WASHC5: variants seen among roughly 807,000 people sequenced by gnomAD.
The protein encoded by WASHC5 is WASH complex subunit 5.
WASHC5 carries 101 observed loss-of-function variants against 150.4 expected under a neutral mutation model. The ratio of observed to expected loss-of-function variants is 0.67; its 90% CI spans 0.57 to 0.79. The LOEUF is 0.79. Ranked by LOEUF, WASHC5 falls within the 30% of genes least tolerant of loss-of-function variation. WASHC5 has a pLI of 0.00. For synonymous variants in WASHC5, 467 were observed against 491.2 expected, an observed-to-expected ratio of 0.95 and a Z score of 0.65; for missense variants, 1,195 against 1,396.3, an observed-to-expected ratio of 0.86 and a Z score of 2.30.
intron 24 of WASHC5, 30 bp downstream of exon 24, chr8:125,039,765 C>T (rs768660279): frequency 1.1e-5 from 16 of 1,446,952 alleles, no homozygotes; most frequent in South Asian, 4.6e-5. Flanking sequence ...TCCAAGCCCA[C>T]GGATGGCTGT....
In WASHC5 at chr8:125,057,641, AG is replaced by A; in HGVS notation, c.1789del (p.Leu597PhefsTer27). The A allele has an allele frequency of 6.2e-7, 1 of 1,613,750 alleles. No individual in the cohort carries two copies. Among genetic ancestry groups the A allele is most frequent in the Non-Finnish European group, 8.5e-7 (1 of 1,179,696 alleles). ...LKLASALDLPLLRINQANSPD... is the reference protein window; with the variant it reads ...LKLASALDLPXLRINQANSPD... ...GCTATTTGCCTGATTAATACGAAGA[AG>A]GGGCAGATCGAGGGCAGAGGCAAGC... On this transcript the variant is annotated frameshift_variant, in exon 15 of 29. Coordinates refer to ENST00000318410, the MANE Select transcript of WASHC5 (RefSeq NM_014846.4). LOFTEE classifies it high-confidence loss of function.
chr8:125,067,712 G>A lies in WASHC5; in HGVS notation c.1158C>T (p.Asp386=), dbSNP rs747618912. 2 of 1,613,640 alleles carry A rather than the reference G, an allele frequency of 1.2e-6. No individual in the cohort carries two copies. The highest frequency in any genetic ancestry group is 1.1e-5 in the South Asian group (1 of 91,062). Residue 386 remains aspartate (D), a synonymous_variant, in exon 10 of 29, where the codon GAC becomes GAT. Coordinates refer to ENST00000318410, the MANE Select transcript of WASHC5 (RefSeq NM_014846.4). ...TTTGACGAAGGCGTTTGTTGTTTGG[G>A]TCACAGGCTAGAAACAGGAAAAGTG... ...LMLHTADSAC[D]PNNKRLRQIK...
At chr8:125,073,408 T>C (rs952705933) in intron 8 of WASHC5, 84 bp from the exon 9 acceptor site, 7 of 1,130,990 alleles carry the variant, frequency 6.2e-6, no homozygotes, top group African/African-American at 6.1e-5. Context: ...CACTGACAAA[T>C]AGTAACATTT....
Position 125,077,035 on chromosome 8 carries a change from A to T in WASHC5, c.712-535T>A, listed in dbSNP as rs1206233916. ...CTCCTTCTCTGGTTTCCTAGATACC[A>T]CTCTCTCTTCTCAATCTCCTTTGCT... On this transcript the variant is annotated intron_variant, in intron 6 of 28. Coordinates refer to ENST00000318410, the MANE Select transcript of WASHC5 (RefSeq NM_014846.4). Among the ~76,000 whole-genome samples, 4 of 152,114 alleles carry T rather than the reference A, an allele frequency of 2.6e-5. No homozygotes were observed. In the East Asian group the frequency reaches 5.8e-4, roughly 22 times the overall value.
At chr8:125,047,092 T>C in intron 20 of WASHC5, 115 bp downstream of exon 20, 1 of 1,266,172 alleles carries the variant, frequency 7.9e-7, no homozygotes, top group Non-Finnish European at 1.1e-6. Flanking sequence ...GGTCAGAATA[T>C]GAGTTGACAA....
At chr8:125,072,197 A>G (rs1302955396) in intron 9 of WASHC5, among the ~76,000 whole-genome samples, 1 of 151,938 alleles carries the variant, frequency 6.6e-6, no homozygotes, top group Non-Finnish European at 1.5e-5. Flanking sequence ...CAAAAAACTT[A>G]GCCAGGCATG....
chr8:125,044,799 G>A (rs1816010990), intron 20 of WASHC5, 101 bp from the exon 21 acceptor site: 1 of 1,164,696 alleles, frequency 8.6e-7, no homozygotes, highest in Non-Finnish European at 1.3e-6. Flanking sequence ...ATGAAGAACA[G>A]GAGTTACATG....
Position 125,057,565 on chromosome 8 carries a change from A to G in WASHC5, c.1866T>C (p.Tyr622=), listed in dbSNP as rs202216835. Residue 622 remains tyrosine (Y), a synonymous_variant, in exon 15 of 29, where the codon TAT becomes TAC. Coordinates refer to ENST00000318410, the MANE Select transcript of WASHC5 (RefSeq NM_014846.4). ...CTGATGCATTTCTTACTTTTCTCAC[A>G]TAGGATACCAACTCTCCAGAATAGT... The part of the protein sequence containing the change: ...SQYYSGELVS[Y]VRKVLQIIPE... 46 of 1,602,674 alleles carry G rather than the reference A, an allele frequency of 2.9e-5. No individual in the cohort carries two copies. Among genetic ancestry groups the G allele is most frequent in the African/African-American group, 1.3e-5 (1 of 74,678 alleles).
At chr8:125,030,625 G>A (rs1250231597) in intron 27 of WASHC5, among the ~76,000 whole-genome samples, 3 of 126,100 alleles carry the variant, frequency 2.4e-5, no homozygotes, top group Non-Finnish European at 3.1e-5. Context: ...GCGACAGAGC[G>A]ACTCTTTCTC....
At position 125,084,049 on chromosome 8, in the gene WASHC5, T is replaced by C. The variant is rs984960639; in HGVS notation, c.-124-27A>G. 8.1e-6 allele frequency: 6 copies of C among 740,550 alleles called. No individual in the cohort carries two copies. In the African/African-American group the frequency reaches 8.8e-5, roughly 11 times the overall value. 45.9% of individuals were successfully genotyped at this position (740,550 alleles called of 1,614,324 possible). ...TGTATCCCCAAAAAAAGTGTGAAAA[T>C]CTCAATTTGTTTAAGGAAGCACATG... On this transcript the variant is annotated intron_variant, in intron 1 of 28. Transcript: ENST00000318410.
At chr8:125,051,352 TCTTTTA>T (rs1816232420) in intron 17 of WASHC5, among the ~76,000 whole-genome samples, 2 of 152,356 alleles carry the variant, frequency 1.3e-5, no homozygotes, top group Admixed American at 1.3e-4. Context: ...GAGACTTGTT[TCTTTTA>T]CTTTTAATTT....
In WASHC5 at chr8:125,084,032, C is replaced by CAAAAAAAAA; in HGVS notation, c.-124-11_-124-10insTTTTTTTTT. On this transcript the variant is annotated splice_polypyrimidine_tract_variant and intron_variant, in intron 1 of 28. Coordinates refer to ENST00000318410, the MANE Select transcript of WASHC5 (RefSeq NM_014846.4). ...TCCTCCATTAAAGAACCTGTATCCC[C>CAAAAAAAAA]AAAAAAAGTGTGAAAATCTCAATTT... 2 of 805,860 alleles carry CAAAAAAAAA rather than the reference C, an allele frequency of 2.5e-6. No individual in the cohort carries two copies. The highest frequency in any genetic ancestry group is 4.1e-6 in the Non-Finnish European group (2 of 489,296). 49.9% of individuals were successfully genotyped at this position (805,860 alleles called of 1,614,324 possible). A position where few individuals can be genotyped will look rare whatever the true frequency, so the allele number is the denominator to read the frequency against.
chr8:125,034,781 GGAAGAA>G (rs1815650961), intron 26 of WASHC5, among the ~76,000 whole-genome samples: 1 of 152,134 alleles, frequency 6.6e-6, no homozygotes, highest in South Asian at 2.1e-4. Context: ...AGAACATGGA[GGAAGAA>G]TCCTAACAGG....
chr8:125,082,589 T>C (rs1024652922), intron 3 of WASHC5, 122 bp from the exon 4 acceptor site: 3 of 679,664 alleles, frequency 4.4e-6, no homozygotes, highest in East Asian at 2.7e-5. Flanking sequence ...CACTAGTTCA[T>C]GGTCCTTCAT....
In WASHC5 at chr8:125,083,278, G is replaced by A. The variant is rs1227867254; in HGVS notation, c.187-20C>T. 1.2e-6 allele frequency: 2 copies of A among 1,608,264 alleles called. No homozygotes were observed. The highest frequency in any genetic ancestry group is 1.7e-6 in the Non-Finnish European group (2 of 1,175,886). On this transcript the variant is annotated intron_variant, in intron 2 of 28. Coordinates refer to ENST00000318410, the MANE Select transcript of WASHC5 (RefSeq NM_014846.4). ...TGGACCCTGAGAAAAAAAAACACAT[G>A]TGAAATGTCAATAAAAGCATACTTG...
At chr8:125,057,780 A>AACAACCACCGAATC (rs2130090617) in intron 14 of WASHC5, 114 bp from the exon 15 acceptor site, 5 of 744,578 alleles carry the variant, frequency 6.7e-6, no homozygotes, top group Non-Finnish European at 9.6e-6. Flanking sequence ...AACAGAGGGC[A>AACAACCACCGAATC]TTAATAGTTT....
chr8:125,040,962 T>C (rs769958907), intron 23 of WASHC5, among the ~76,000 whole-genome samples: 1 of 152,232 alleles, frequency 6.6e-6, no homozygotes, highest in East Asian at 1.9e-4. Context: ...TGGAAGCCAG[T>C]TGTAATGAAA....
intron 17 of WASHC5, among the ~76,000 whole-genome samples, chr8:125,052,637 C>CACAT (rs1194586902): frequency 3.1e-4 from 47 of 151,432 alleles, no homozygotes; most frequent in Admixed American, 9.2e-4. Flanking sequence ...CACACACACA[C>CACAT]ACATACATAC....
intron 8 of WASHC5, among the ~76,000 whole-genome samples, chr8:125,074,205 G>C (rs932193803): frequency 3.3e-5 from 5 of 152,136 alleles, no homozygotes; most frequent in African/African-American, 4.8e-5. Context: ...TTTAGAAAGG[G>C]ATTTTAGCAA....
Sources: gnomAD v4.1 joint callset for allele counts (sites outside exome capture counted in the v4.1 genomes callset) on GRCh38, gnomAD v4.1.1 for gene constraint, MANE v1.5 for transcripts, NCBI Gene and HGNC (gene_info 2026-07-23, HGNC 2026-07-21) for gene names.